Variants in BTBD7 observed in about 807,000 individuals in gnomAD.
BTBD7 encodes BTB domain containing 7, also known as BTB/POZ domain-containing protein 7.
Under a neutral mutation model 99.9 loss-of-function variants are expected in BTBD7, and 38 were observed. The observed-to-expected ratio is 0.38, with a 90% CI of 0.29 to 0.50. The LOEUF (loss-of-function observed/expected upper bound fraction) is 0.50. Among genes scored for constraint, BTBD7 ranks in the 20% least tolerant of loss-of-function variants. BTBD7 has a pLI of 0.93. For synonymous variants in BTBD7, 520 were observed against 511.4 expected (o/e 1.02, Z -0.23); for missense variants, 1,170 against 1,394.6 (o/e 0.84, Z 2.57).
rs150593674 is a variant in BTBD7, at chr14:93,303,592, G to A, written c.-106-7435C>T. Among the ~76,000 whole-genome samples, 408 of 152,348 alleles carry A rather than the reference G, an allele frequency of 2.7e-3. 1 individual carries two copies. The highest frequency in any genetic ancestry group is 9.3e-3 in the African/African-American group (386 of 41,588). ...CTAGACGAACTACATCTTAAAAGAT[G>A]TTAAAATATTCTTTAAAAAATTCAG... On this transcript the variant is annotated intron_variant, in intron 1 of 10. Coordinates refer to ENST00000334746, the MANE Select transcript of BTBD7 (RefSeq NM_001002860.4).
intron 1 of BTBD7, among the ~76,000 whole-genome samples, chr14:93,323,314 G>A (rs12889579): frequency 0.17 from 25,710 of 152,164 alleles, 2,394 homozygotes; most frequent in East Asian, 0.31. Flanking sequence ...GCCAATAAAT[G>A]ATGAAATATA....
At chr14:93,262,471 C>T (rs1324678050) in intron 4 of BTBD7, among the ~76,000 whole-genome samples, 1 of 152,058 alleles carries the variant, frequency 6.6e-6, no homozygotes, top group Non-Finnish European at 1.5e-5. Context: ...TACTTCCGGG[C>T]TCAAGCAACC....
intron 4 of BTBD7, among the ~76,000 whole-genome samples, chr14:93,262,836 T>C (rs948290136): frequency 1.7e-4 from 26 of 151,536 alleles, no homozygotes; most frequent in African/African-American, 5.6e-4. Context: ...CTAAAGACAA[T>C]AATCTAAGAG....
At position 93,242,086 on chromosome 14, in the gene BTBD7, TA is replaced by T. The variant is rs780432278; in HGVS notation, c.*186del. On this transcript the variant is annotated 3_prime_UTR_variant, in exon 11 of 11. Transcript: ENST00000334746. ...AAGACAAATTAGACAGATGCAACAT[TA>T]AAAAAAAAAAACAAAACCTTCTTAG... is the stretch of plus-strand genomic sequence containing the variant. 0.023 allele frequency: 10,880 copies of T among 464,026 alleles called. No homozygotes were observed. Among genetic ancestry groups the T allele is most frequent in the South Asian group, 0.043 (1,122 of 25,974 alleles). The allele number at this position is 464,026 out of a possible 1,614,324, so 28.7% of individuals were successfully genotyped here. A position where few individuals can be genotyped will look rare whatever the true frequency, so the allele number is the denominator to read the frequency against.
Position 93,242,682 on chromosome 14 carries a change from G to A in BTBD7, c.2990C>T (p.Thr997Met), listed in dbSNP as rs374545941. The change falls in exon 11 of 11, where the codon ACG becomes ATG. Residue 997 changes from threonine (T) to methionine (M), a missense_variant. Thr to Met is a moderately conservative substitution (Grantham distance 81). This residue lies in a region of BTBD7 where 495 missense variants were observed against 525.9 expected (regional missense o/e 0.94). Transcript: ENST00000334746. ...AGCTTCTTCCTGTTTTTTAGGAGAC[G>A]TCTGACCAGGTAGGTAGGCTGACTT... ...GLKSAYLPGQ[T>M]SPKKQEEARR... The A allele has an allele frequency of 1.6e-5, 26 of 1,614,158 alleles. No individual in the cohort carries two copies. Among genetic ancestry groups the A allele is most frequent in the Middle Eastern group, 1.6e-4 (1 of 6,062 alleles).
At position 93,281,722 on chromosome 14, in the gene BTBD7, T is replaced by C. The variant is rs141004755; in HGVS notation, c.1162+12136A>G. Among the ~76,000 whole-genome samples the C allele has an allele frequency of 1.9e-3, 282 of 152,296 alleles. 1 individual carries two copies. The highest frequency in any genetic ancestry group is 6.5e-3 in the African/African-American group (270 of 41,550). On this transcript the variant is annotated intron_variant, in intron 3 of 10. Coordinates refer to ENST00000334746, the MANE Select transcript of BTBD7 (RefSeq NM_001002860.4). The stretch of plus-strand genomic sequence containing the variant: ...CACACAGATATGCACATATAAAGAT[T>C]TGTAAGGAAAACCATCAAACTGGCC...
intron 3 of BTBD7, among the ~76,000 whole-genome samples, chr14:93,270,861 T>C (rs1357982474): frequency 6.6e-6 from 1 of 152,222 alleles, no homozygotes; most frequent in Non-Finnish European, 1.5e-5. Context: ...CTTCTTACAA[T>C]TTCTTTTGCT....
rs763508717 is a variant in BTBD7, at chr14:93,242,716, T to C, written c.2956A>G (p.Ser986Gly). The change falls in exon 11 of 11, where the codon AGT (serine) becomes GGT (glycine). Residue 986 changes from serine (S) to glycine (G), a missense_variant. By Grantham distance (56) the Ser-to-Gly change is moderately conservative. Around this residue, in one of 4 missense-constraint regions of BTBD7, gnomAD observed 495 missense variants for 525.9 expected, o/e 0.94. Transcript: ENST00000334746. ...GGTAGGTAGGCTGACTTTAAGCCAC[T>C]TGGTGATGCCTTATTGTGGCTGTAC... ...DLYSHNKASP[S>G]GLKSAYLPGQ... 6.2e-7 allele frequency: 1 copy of C among 1,614,086 alleles called. No individual in the cohort carries two copies. Among genetic ancestry groups the C allele is most frequent in the African/African-American group, 1.3e-5 (1 of 74,922 alleles).
intron 1 of BTBD7, among the ~76,000 whole-genome samples, chr14:93,297,423 A>G (rs1425606931): frequency 6.6e-6 from 1 of 152,188 alleles, no homozygotes; most frequent in Non-Finnish European, 1.5e-5. Flanking sequence ...CCCGGGTTCA[A>G]ACAATTCTCC....
chr14:93,251,705 C>A lies in BTBD7; in HGVS notation c.1753-53G>T, dbSNP rs1348053729. 9 of 1,395,180 alleles carry A rather than the reference C, an allele frequency of 6.5e-6. No homozygotes were observed. The East Asian group carries it at 1.7e-4, about 27-fold the overall frequency. The allele number at this position is 1,395,180 out of a possible 1,614,324, so 86.4% of individuals were successfully genotyped here. A position where few individuals can be genotyped will look rare whatever the true frequency, so the allele number is the denominator to read the frequency against. Reference sequence around the variant, plus strand: ...ACCAGTCAACCTTCCTCTGTTAAATCACATTTGAAGGAAGACTATTACTTT... The same window carrying A: ...ACCAGTCAACCTTCCTCTGTTAAATAACATTTGAAGGAAGACTATTACTTT... On this transcript the variant is annotated intron_variant, in intron 7 of 10. Coordinates refer to ENST00000334746, the MANE Select transcript of BTBD7 (RefSeq NM_001002860.4).
At chr14:93,272,072 A>C (rs1348419277) in intron 3 of BTBD7, among the ~76,000 whole-genome samples, 1 of 152,078 alleles carries the variant, frequency 6.6e-6, no homozygotes, top group Non-Finnish European at 1.5e-5. Flanking sequence ...TAATCCCAGC[A>C]CTTTGGGAGG....
chr14:93,268,624 A>G (rs1376741229), intron 3 of BTBD7, among the ~76,000 whole-genome samples: 1 of 152,174 alleles, frequency 6.6e-6, no homozygotes, highest in Non-Finnish European at 1.5e-5. Flanking sequence ...AGATGAGAAA[A>G]CTAAGACTCA....
intron 10 of BTBD7, among the ~76,000 whole-genome samples, chr14:93,244,855 C>CTTTTTTTTT (rs58775665): frequency 9.3e-6 from 1 of 107,470 alleles, no homozygotes; most frequent in African/African-American, 3.7e-5. Context: ...TCTTACAAAT[C>CTTTTTTTTT]TTTTTTTTTT....
At chr14:93,310,419 AT>A (rs201292415) in intron 1 of BTBD7, among the ~76,000 whole-genome samples, 1 of 151,288 alleles carries the variant, frequency 6.6e-6, no homozygotes, top group African/African-American at 2.4e-5. Context: ...CCCCTTTACA[AT>A]TTTTTTTTGT....
At chr14:93,248,328 G>C (rs969280065) in intron 9 of BTBD7, 148 bp downstream of exon 9, 4 of 765,262 alleles carry the variant, frequency 5.2e-6, no homozygotes, top group Non-Finnish European at 8.2e-6. Context: ...CACCAGGAGG[G>C]ACTTGCAGGT....
At chr14:93,323,372 C>T (rs560206858) in intron 1 of BTBD7, among the ~76,000 whole-genome samples, 2 of 152,308 alleles carry the variant, frequency 1.3e-5, no homozygotes, top group East Asian at 3.9e-4. Flanking sequence ...CCTCCCTTAT[C>T]AGACATTATT....
At chr14:93,267,430 T>C (rs560834797) in intron 3 of BTBD7, among the ~76,000 whole-genome samples, 41 of 152,308 alleles carry the variant, frequency 2.7e-4, no homozygotes, top group African/African-American at 8.9e-4. Flanking sequence ...AATGAGACCA[T>C]ACTCTTGACA....
At chr14:93,252,249 G>A (rs1463817511) in intron 7 of BTBD7, among the ~76,000 whole-genome samples, 1 of 151,452 alleles carries the variant, frequency 6.6e-6, no homozygotes, top group East Asian at 1.9e-4. Context: ...GGAGAAGGTT[G>A]TAGTAAGCTG....
chr14:93,253,961 A>T (rs1414179371), intron 6 of BTBD7, among the ~76,000 whole-genome samples, 171 bp from the exon 7 acceptor site: 1 of 150,724 alleles, frequency 6.6e-6, no homozygotes, highest in Non-Finnish European at 1.5e-5. Flanking sequence ...TTTTTTTGAG[A>T]CAGAGTCTCA....
Sources: allele counts gnomAD v4.1 joint callset (sites outside exome capture counted in the v4.1 genomes callset), GRCh38; gene constraint gnomAD v4.1.1; regional missense constraint gnomAD v4.1.1; transcripts MANE v1.5; gene names NCBI Gene and HGNC (gene_info 2026-07-23, HGNC 2026-07-21).